The following KIF13B variants were observed in gnomAD, a reference collection of about 807,000 sequenced individuals.
The protein encoded by KIF13B is kinesin family member 13B.
In KIF13B, 127 loss-of-function variants were observed where a neutral mutation model predicts 222.0. That is an observed-to-expected ratio of 0.57 (90% CI 0.50 to 0.66). The LOEUF (loss-of-function observed/expected upper bound fraction) is 0.66, where lower values mean the gene tolerates loss of function less well. Ranked by LOEUF, KIF13B falls within the 30% of genes least tolerant of loss-of-function variation. KIF13B has a pLI of 0.00. For missense variants in KIF13B, 2,173 were observed against 2,379.0 expected (o/e 0.91, Z 1.80); for synonymous variants, 976 against 919.0 (o/e 1.06, Z -1.12).
chr8:29,139,481 C>T (rs1266618653), intron 21 of KIF13B, among the ~76,000 whole-genome samples: 2 of 152,164 alleles, frequency 1.3e-5, no homozygotes, highest in East Asian at 1.9e-4. Flanking sequence ...ATTCCTCCCC[C>T]TTCCTAGTGA....
chr8:29,142,187 C>T lies in KIF13B; in HGVS notation c.2304G>A (p.Gln768=), dbSNP rs1457159509. ...TATCTTCTTCACACTCTTTCCACTCCTGATAAAGGTCTCTCATATCCAACA... is the reference window on the plus strand; with the variant it reads ...TATCTTCTTCACACTCTTTCCACTCTTGATAAAGGTCTCTCATATCCAACA... ...NRLLDMRDLY[Q]EWKECEEDNP... The change falls in exon 19 of 40, where the codon CAG becomes CAA. Residue 768 remains glutamine (Q), a synonymous_variant. Transcript: ENST00000524189. 1 of 1,613,484 alleles carries T rather than the reference C, an allele frequency of 6.2e-7. No individual in the cohort carries two copies. The highest frequency in any genetic ancestry group is 1.3e-5 in the African/African-American group (1 of 74,916).
intron 30 of KIF13B, among the ~76,000 whole-genome samples, chr8:29,117,963 G>C (rs1446602945): frequency 1.3e-5 from 2 of 151,936 alleles, no homozygotes; most frequent in Non-Finnish European, 2.9e-5. Flanking sequence ...TTTGAGACCA[G>C]CCTGACCAAC....
chr8:29,228,673 C>T (rs111813630), intron 2 of KIF13B, among the ~76,000 whole-genome samples: 95 of 151,954 alleles, frequency 6.3e-4, no homozygotes, highest in African/African-American at 2.1e-3. Context: ...GGGGAAGGTG[C>T]TTGTCTGAGA....
chr8:29,212,242 A>G (rs183851671), intron 2 of KIF13B, among the ~76,000 whole-genome samples: 1 of 152,330 alleles, frequency 6.6e-6, no homozygotes, highest in East Asian at 1.9e-4. Context: ...TTTATACCCA[A>G]AAGTATATTT....
At chr8:29,170,849 A>C (rs1198974723) in intron 10 of KIF13B, among the ~76,000 whole-genome samples, 1 of 152,240 alleles carries the variant, frequency 6.6e-6, no homozygotes, top group African/African-American at 2.4e-5. Flanking sequence ...AGGCCAAGGC[A>C]GGAGGATCAC....
rs948392317 is a variant in KIF13B, at chr8:29,070,422, G to C, written c.*82C>G. ...CTGCCCCTGGGGAAGGGGCCACCGG[G>C]CTCCTGGCTCCTCAGGGCTGTCACT... On this transcript the variant is annotated 3_prime_UTR_variant, in exon 40 of 40. Transcript: ENST00000524189. This position sits in a 1 kb window ranked among gnomAD's most constrained non-coding sequence, Gnocchi z 4.1. 2 of 1,503,280 alleles carry C rather than the reference G, an allele frequency of 1.3e-6. No homozygotes were observed. The highest frequency in any genetic ancestry group is 1.8e-6 in the Non-Finnish European group (2 of 1,104,956). The allele number at this position is 1,503,280 out of a possible 1,614,324, so 93.1% of individuals were successfully genotyped here. A position where few individuals can be genotyped will look rare whatever the true frequency, so the allele number is the denominator to read the frequency against.
intron 23 of KIF13B, among the ~76,000 whole-genome samples, chr8:29,131,701 A>G (rs1360612493): frequency 6.6e-6 from 1 of 152,206 alleles, no homozygotes; most frequent in Non-Finnish European, 1.5e-5. Flanking sequence ...CATACTCTCT[A>G]CAGCTGATTA....
At chr8:29,125,879 C>T (rs543683114) in intron 26 of KIF13B, among the ~76,000 whole-genome samples, 2 of 152,176 alleles carry the variant, frequency 1.3e-5, no homozygotes, top group South Asian at 2.1e-4. Context: ...GAAGCCTAGG[C>T]GGGTGGATCA....
intron 18 of KIF13B, among the ~76,000 whole-genome samples, chr8:29,144,902 C>T (rs2129968246): frequency 6.6e-6 from 1 of 152,336 alleles, no homozygotes; most frequent in East Asian, 1.9e-4. Flanking sequence ...GTTGACATGG[C>T]TGCCCCAGTG....
At chr8:29,249,805 CTA>C (rs1405572958) in intron 1 of KIF13B, among the ~76,000 whole-genome samples, 5 of 152,190 alleles carry the variant, frequency 3.3e-5, no homozygotes, top group Non-Finnish European at 5.9e-5. Context: ...AACTTTAGAG[CTA>C]TGTTTTACCT....
chr8:29,143,838 G>A (rs1214921348), intron 18 of KIF13B, among the ~76,000 whole-genome samples: 2 of 151,464 alleles, frequency 1.3e-5, no homozygotes, highest in Non-Finnish European at 2.9e-5. Context: ...GCAAGACTCT[G>A]TCTCAAAAAA....
rs1554622286 is a variant in KIF13B at position 29,228,472 on chromosome 8, A to ATATATATAT, written c.149+16873_149+16874insATATATATA. Reference sequence around the variant, plus strand: ...ACAGAGCCAGACTCCATCTTAAAAAAATATATATATATATATATGAGATAC... The same window carrying ATATATATAT: ...ACAGAGCCAGACTCCATCTTAAAAAATATATATATATATATATATATATATATGAGATAC... On this transcript the variant is annotated intron_variant, in intron 2 of 39. Transcript: ENST00000524189. Among the ~76,000 whole-genome samples the ATATATATAT allele has an allele frequency of 1.1e-3, 134 of 117,080 alleles. 4 individuals carry two copies. The highest frequency in any genetic ancestry group is 4.2e-3 in the African/African-American group (130 of 30,724). The allele number at this position is 117,080 out of a possible 152,430, so 76.8% of individuals were successfully genotyped here.
chr8:29,237,547 T>C (rs895376651), intron 2 of KIF13B, among the ~76,000 whole-genome samples: 4 of 151,452 alleles, frequency 2.6e-5, no homozygotes, highest in East Asian at 3.9e-4. Flanking sequence ...GACTCTTTTC[T>C]TGTATTTTTT....
At chr8:29,096,694 G>A (rs1018927381) in intron 36 of KIF13B, among the ~76,000 whole-genome samples, 3 of 152,074 alleles carry the variant, frequency 2.0e-5, no homozygotes. Flanking sequence ...AGAGGAACAG[G>A]TCAATGACTT....
rs191054825 is a variant in KIF13B, at chr8:29,097,990, T to G, written c.4324+1143A>C. Reference sequence around the variant, plus strand: ...ATAGAGACCAACCTGGCTAACATGGTGAAACTCCGTCTCTACTAAAAATAC... The same window carrying G: ...ATAGAGACCAACCTGGCTAACATGGGGAAACTCCGTCTCTACTAAAAATAC... On this transcript the variant is annotated intron_variant, in intron 36 of 39. Transcript: ENST00000524189. Among the ~76,000 whole-genome samples, 10 of 151,322 alleles carry G rather than the reference T, an allele frequency of 6.6e-5. No individual in the cohort carries two copies. In the East Asian group the frequency reaches 1.6e-3, roughly 24 times the overall value.
chr8:29,187,063 G>C (rs2130321634), intron 5 of KIF13B, among the ~76,000 whole-genome samples: 1 of 151,572 alleles, frequency 6.6e-6, no homozygotes, highest in South Asian at 2.1e-4. Context: ...AGGTCTAAAA[G>C]TTTTCCGAAA....
chr8:29,129,283 G>A (rs1262851386), intron 24 of KIF13B, among the ~76,000 whole-genome samples: 4 of 152,178 alleles, frequency 2.6e-5, no homozygotes, highest in African/African-American at 4.8e-5. Flanking sequence ...TCCAGTAGAT[G>A]AATTTCTAAG....
At chr8:29,117,917 C>T (rs1036025746) in intron 30 of KIF13B, among the ~76,000 whole-genome samples, 1 of 151,082 alleles carries the variant, frequency 6.6e-6, no homozygotes, top group Non-Finnish European at 1.5e-5. Context: ...CAGCACTTTG[C>T]GAAGCCAAGG....
Position 29,095,745 on chromosome 8 carries a change from C to T in KIF13B, c.4325-2867G>A, listed in dbSNP as rs142029224. ...TCAGGCCACTGCACTCCAGCCTGGG[C>T]GACAAGAGCAAAACTTCATCTCAAA... On this transcript the variant is annotated intron_variant, in intron 36 of 39. Coordinates refer to ENST00000524189, the MANE Select transcript of KIF13B (RefSeq NM_015254.4). 2.2e-3 allele frequency among the ~76,000 whole-genome samples: 337 copies of T among 151,872 alleles called. 1 individual carries two copies. Among genetic ancestry groups the T allele is most frequent in the Non-Finnish European group, 4.0e-3 (275 of 67,958 alleles).
Sources: allele counts gnomAD v4.1 joint callset (sites outside exome capture counted in the v4.1 genomes callset), GRCh38; gene constraint gnomAD v4.1.1; non-coding constraint Gnocchi (gnomAD v3.1); transcripts MANE v1.5; gene names NCBI Gene and HGNC (gene_info 2026-07-23, HGNC 2026-07-21).